The following AFF3 variants were observed in gnomAD, a reference collection of about 807,000 sequenced individuals.
AFF3 encodes the protein AF4/FMR2 family member 3.
AFF3 carries 32 observed loss-of-function variants against 129.7 expected under a neutral mutation model. The ratio of observed to expected loss-of-function variants is 0.25; its 90% CI spans 0.19 to 0.33. The LOEUF (loss-of-function observed/expected upper bound fraction) is 0.33. Ranked by LOEUF, AFF3 falls within the 10% of genes least tolerant of loss-of-function variation. The pLI is 1.00. For synonymous variants in AFF3, 644 were observed against 635.4 expected (o/e 1.01, Z -0.20); for missense variants, 1,373 against 1,592.0 (o/e 0.86, Z 2.34).
At chr2:99,580,242 G>A (rs1456158498) in intron 17 of AFF3, among the ~76,000 whole-genome samples, 1 of 152,072 alleles carries the variant, frequency 6.6e-6, no homozygotes, top group African/African-American at 2.4e-5. Context: ...CTCGCATCAG[G>A]GGTCAGCCAT....
intron 7 of AFF3, among the ~76,000 whole-genome samples, chr2:99,903,560 A>T (rs1694502148): frequency 6.6e-6 from 1 of 152,232 alleles, no homozygotes; most frequent in African/African-American, 2.4e-5. Context: ...TATCAATAAT[A>T]AACTATTTAC....
intron 7 of AFF3, among the ~76,000 whole-genome samples, chr2:99,873,111 G>A (rs1692007319): frequency 6.6e-6 from 1 of 152,176 alleles, no homozygotes; most frequent in Non-Finnish European, 1.5e-5. Flanking sequence ...CATCCTACCT[G>A]AACAGGCAGA....
At chr2:99,775,412 G>A (rs769735832) in intron 8 of AFF3, among the ~76,000 whole-genome samples, 5 of 152,210 alleles carry the variant, frequency 3.3e-5, no homozygotes, top group East Asian at 1.9e-4. Flanking sequence ...GTAGGGACCT[G>A]GATGGAGCTG....
At chr2:99,713,939 G>T (rs890105688) in intron 11 of AFF3, among the ~76,000 whole-genome samples, 2 of 152,058 alleles carry the variant, frequency 1.3e-5, no homozygotes, top group South Asian at 4.2e-4. Context: ...GACCTCAGGT[G>T]ATCTGCCTGC....
At chr2:99,824,119 C>G (rs1014031727) in intron 8 of AFF3, among the ~76,000 whole-genome samples, 1 of 151,826 alleles carries the variant, frequency 6.6e-6, no homozygotes, top group Non-Finnish European at 1.5e-5. Context: ...AATATAAAAT[C>G]CTTTTTTTTT....
intron 11 of AFF3, among the ~76,000 whole-genome samples, chr2:99,720,583 T>C (rs1678801764): frequency 6.6e-6 from 1 of 152,166 alleles, no homozygotes; most frequent in Admixed American, 6.5e-5. Context: ...GGATCAGGTA[T>C]TCTGTAATAG....
chr2:100,024,930 A>G (rs1185236972), intron 4 of AFF3, among the ~76,000 whole-genome samples: 1 of 152,180 alleles, frequency 6.6e-6, no homozygotes, highest in African/African-American at 2.4e-5. Flanking sequence ...AGTGGGGAAG[A>G]ATTTATATTC....
At position 99,802,394 on chromosome 2, in the gene AFF3, G is replaced by A. The variant is rs369822756; in HGVS notation, c.921+35083C>T. Among the ~76,000 whole-genome samples, 19 of 152,202 alleles carry A rather than the reference G, an allele frequency of 1.2e-4. No individual in the cohort carries two copies. The East Asian group carries it at 1.5e-3, about 12-fold the overall frequency. On this transcript the variant is annotated intron_variant, in intron 8 of 24. Coordinates refer to ENST00000672756, the MANE Select transcript of AFF3 (RefSeq NM_001386135.1). ...ACATTAAAAGTTTTCTTGGCTGGGC[G>A]CGGTGCCTGTAATCCCAGCACTTTG...
chr2:99,573,779 G>C (rs1245436991), intron 18 of AFF3, among the ~76,000 whole-genome samples: 1 of 152,170 alleles, frequency 6.6e-6, no homozygotes, highest in Admixed American at 6.5e-5. Context: ...CGGGCACCAT[G>C]GGGACAGAAG....
At chr2:99,678,440 A>G (rs1674208991) in intron 11 of AFF3, among the ~76,000 whole-genome samples, 1 of 152,190 alleles carries the variant, frequency 6.6e-6, no homozygotes, top group Non-Finnish European at 1.5e-5. Context: ...GCAAACGGGC[A>G]CGTTAACTAC....
At position 99,546,733 on chromosome 2, in the gene AFF3, A is replaced by T; in HGVS notation, c.*4741T>A. The T allele has an allele frequency of 1.3e-5, 3 of 223,726 alleles. No homozygotes were observed. Among genetic ancestry groups the T allele is most frequent in the Non-Finnish European group, 2.7e-5 (3 of 112,144 alleles). 13.9% of individuals were successfully genotyped at this position (223,726 alleles called of 1,614,324 possible). ...GTTCAAAATTATCTTATTTTACTCA[A>T]CCAAATATTGCAAACATGATTCCAC... is the stretch of plus-strand genomic sequence containing the variant. On this transcript the variant is annotated 3_prime_UTR_variant, in exon 25 of 25. Coordinates refer to ENST00000672756, the MANE Select transcript of AFF3 (RefSeq NM_001386135.1).
chr2:99,820,084 A>G (rs1217140005), intron 8 of AFF3, among the ~76,000 whole-genome samples: 1 of 152,242 alleles, frequency 6.6e-6, no homozygotes, highest in African/African-American at 2.4e-5. Flanking sequence ...TTTGTAAGGA[A>G]CTATCAAAGG....
At chr2:99,742,623 A>G (rs1275647088) in intron 10 of AFF3, among the ~76,000 whole-genome samples, 1 of 152,216 alleles carries the variant, frequency 6.6e-6, no homozygotes, top group Non-Finnish European at 1.5e-5. Flanking sequence ...CTTTCTGGGA[A>G]TCAACAGAGT....
intron 19 of AFF3, among the ~76,000 whole-genome samples, chr2:99,568,478 A>T (rs1676183586): frequency 1.3e-5 from 2 of 152,214 alleles, no homozygotes; most frequent in African/African-American, 4.8e-5. Context: ...AGTGTTTTTG[A>T]AAAGAGATTT....
intron 9 of AFF3, among the ~76,000 whole-genome samples, chr2:99,745,374 T>C (rs1302234476): frequency 1.3e-5 from 2 of 152,226 alleles, no homozygotes; most frequent in Non-Finnish European, 2.9e-5. Flanking sequence ...CTAAATTTTC[T>C]AAATTTAAAG....
In AFF3 at chr2:99,578,525, T is replaced by C. The variant is rs181080886; in HGVS notation, c.2794-74A>G. ...GCGAGCAGCCCATCACATACATACA[T>C]ACGTAGAATATCTTTGGCTCTACAG... On this transcript the variant is annotated intron_variant, in intron 17 of 24. Coordinates refer to ENST00000672756, the MANE Select transcript of AFF3 (RefSeq NM_001386135.1). 2.7e-4 allele frequency: 421 copies of C among 1,567,816 alleles called. 2 individuals carry two copies. In the African/African-American group the frequency reaches 5.4e-3, roughly 20 times the overall value.
intron 8 of AFF3, among the ~76,000 whole-genome samples, chr2:99,756,850 T>A (rs1682140744): frequency 6.6e-6 from 1 of 152,232 alleles, no homozygotes; most frequent in Non-Finnish European, 1.5e-5. Flanking sequence ...ATTGTGCATG[T>A]GTGTGTGTAA....
chr2:99,768,476 A>G (rs1205339307), intron 8 of AFF3, among the ~76,000 whole-genome samples: 1 of 152,082 alleles, frequency 6.6e-6, no homozygotes, highest in Non-Finnish European at 1.5e-5. Context: ...TCTTTTTTGC[A>G]GTTATTATTT....
chr2:99,756,513 G>A (rs1480142659), intron 8 of AFF3, among the ~76,000 whole-genome samples: 2 of 152,240 alleles, frequency 1.3e-5, no homozygotes, highest in African/African-American at 2.4e-5. Context: ...GAAGAGGCAT[G>A]AGTTCCAAGC....
Sources: allele counts gnomAD v4.1 joint callset (sites outside exome capture counted in the v4.1 genomes callset), GRCh38; gene constraint gnomAD v4.1.1; transcripts MANE v1.5; gene names NCBI Gene and HGNC (gene_info 2026-07-23, HGNC 2026-07-21).